The following MAGI2 variants were observed in gnomAD, a reference collection of about 807,000 sequenced individuals.
MAGI2 encodes membrane-associated guanylate kinase, WW and PDZ domain-containing protein 2.
In MAGI2, 35 loss-of-function variants were observed where a neutral mutation model predicts 133.3. The observed-to-expected ratio is 0.26, with a 90% CI of 0.20 to 0.35. The LOEUF is 0.35. Ranked by LOEUF, MAGI2 falls within the 10% of genes least tolerant of loss-of-function variation. MAGI2 has a pLI of 1.00. For missense variants in MAGI2, 1,636 were observed against 1,863.4 expected, an observed-to-expected ratio of 0.88 and a Z score of 2.25; for synonymous variants, 729 against 710.6, an observed-to-expected ratio of 1.03 and a Z score of -0.41.
intron 20 of MAGI2, among the ~76,000 whole-genome samples, chr7:78,094,676 C>T (rs542906305): frequency 1.3e-4 from 20 of 152,312 alleles, no homozygotes; most frequent in African/African-American, 4.6e-4. Context: ...TTTGATTGAA[C>T]TGTCTGTAGT....
intron 1 of MAGI2, among the ~76,000 whole-genome samples, chr7:79,374,125 A>T (rs1250971650): frequency 6.6e-6 from 1 of 152,024 alleles, no homozygotes; most frequent in Non-Finnish European, 1.5e-5. Context: ...TAGTTACATA[A>T]ATACATTGGG....
At chr7:78,794,116 A>G (rs1787399892) in intron 2 of MAGI2, among the ~76,000 whole-genome samples, 1 of 152,238 alleles carries the variant, frequency 6.6e-6, no homozygotes. Context: ...AGTGAGTTAC[A>G]CACTTATATC....
intron 2 of MAGI2, among the ~76,000 whole-genome samples, chr7:78,737,207 A>G (rs1336287150): frequency 6.6e-6 from 1 of 152,224 alleles, no homozygotes; most frequent in East Asian, 1.9e-4. Flanking sequence ...TTCCCAATAT[A>G]TAAAATCTTC....
chr7:78,635,620 A>G (rs1360518103), intron 2 of MAGI2, among the ~76,000 whole-genome samples: 1 of 152,246 alleles, frequency 6.6e-6, no homozygotes, highest in Non-Finnish European at 1.5e-5. Context: ...TTATTCATAT[A>G]TTCCCCCTTT....
At chr7:78,658,221 T>C (rs368634490) in intron 2 of MAGI2, among the ~76,000 whole-genome samples, 16 of 152,246 alleles carry the variant, frequency 1.1e-4, no homozygotes, top group African/African-American at 3.6e-4. Flanking sequence ...CACAATTAAA[T>C]GAAAGGAAGA....
At chr7:79,343,124 G>T (rs1563134952) in intron 1 of MAGI2, 1 of 151,994 alleles carries the variant, frequency 6.6e-6, no homozygotes, top group Non-Finnish European at 1.5e-5. Context: ...ACAAAAAGTT[G>T]CATATACTTA....
intron 2 of MAGI2, among the ~76,000 whole-genome samples, chr7:78,998,476 G>A (rs916870211): frequency 2.0e-5 from 3 of 152,068 alleles, no homozygotes; most frequent in African/African-American, 7.2e-5. Flanking sequence ...TGAGTTAGTG[G>A]CAGAACCTGT....
intron 21 of MAGI2, among the ~76,000 whole-genome samples, chr7:78,059,801 C>T (rs568052066): frequency 6.7e-6 from 1 of 149,776 alleles, no homozygotes; most frequent in Non-Finnish European, 1.5e-5. Context: ...GTCCCTACAG[C>T]ATCAAACAAT....
At chr7:78,573,227 A>AATATAAATATATAT (rs1563188160) in intron 3 of MAGI2, among the ~76,000 whole-genome samples, 11 of 58,930 alleles carry the variant, frequency 1.9e-4, no homozygotes, top group African/African-American at 8.6e-4. Context: ...AATATATATA[A>AATATAAATATATAT]ATATAAATAT....
At chr7:78,101,874 G>T (rs1818237025) in intron 20 of MAGI2, among the ~76,000 whole-genome samples, 1 of 152,142 alleles carries the variant, frequency 6.6e-6, no homozygotes. Flanking sequence ...ATATCGGAAG[G>T]AAATGAAATC....
At chr7:78,168,770 C>T (rs1825851246) in intron 14 of MAGI2, among the ~76,000 whole-genome samples, 1 of 152,194 alleles carries the variant, frequency 6.6e-6, no homozygotes, top group Admixed American at 6.5e-5. Context: ...GGGAAACTAG[C>T]TGTTGCACAT....
At chr7:79,427,434 C>G (rs1847465421) in intron 1 of MAGI2, among the ~76,000 whole-genome samples, 1 of 151,942 alleles carries the variant, frequency 6.6e-6, no homozygotes, top group East Asian at 1.9e-4. Context: ...AATGATTTTT[C>G]AAGGTGTCAT....
chr7:78,608,081 G>A (rs1051766488), intron 3 of MAGI2, among the ~76,000 whole-genome samples: 7 of 152,088 alleles, frequency 4.6e-5, no homozygotes, highest in African/African-American at 7.2e-5. Context: ...ATCATAGGCC[G>A]CTCAAGCCCA....
chr7:78,217,403 A>G (rs1057223498), intron 10 of MAGI2, among the ~76,000 whole-genome samples: 3 of 152,152 alleles, frequency 2.0e-5, no homozygotes, highest in Admixed American at 6.5e-5. Flanking sequence ...TAGGTGCTCA[A>G]TAAATACTTG....
chr7:78,587,496 G>A (rs981179912), intron 3 of MAGI2, among the ~76,000 whole-genome samples: 3 of 152,144 alleles, frequency 2.0e-5, no homozygotes, highest in Non-Finnish European at 4.4e-5. Context: ...TAGATTTCCA[G>A]TTAATAGTAT....
chr7:79,077,567 T>C (rs1447755998), intron 1 of MAGI2, among the ~76,000 whole-genome samples: 1 of 85,456 alleles, frequency 1.2e-5, no homozygotes, highest in Non-Finnish European at 2.0e-5. Context: ...AGAGCGAGAC[T>C]GCCTCTCAAA....
intron 2 of MAGI2, among the ~76,000 whole-genome samples, chr7:78,914,752 G>A (rs1409179467): frequency 6.6e-6 from 1 of 151,924 alleles, no homozygotes; most frequent in Non-Finnish European, 1.5e-5. Flanking sequence ...AAAACAACTG[G>A]ACAAATACTT....
rs142020401 is a variant in MAGI2 at position 78,403,127 on chromosome 7, T to C, written c.1046-33914A>G. ...TAACTCGTCATTTACATTAGGTATA[T>C]CTCCTAATGCTGTCCCTCCTCCCTC... is the stretch of plus-strand genomic sequence containing the variant. On this transcript the variant is annotated intron_variant, in intron 6 of 21. Transcript: ENST00000354212. Among the ~76,000 whole-genome samples the C allele has an allele frequency of 5.8e-4, 89 of 152,290 alleles. 1 individual carries two copies. The East Asian group carries it at 0.017, about 29-fold the overall frequency.
chr7:79,432,628 G>T (rs983457431), intron 1 of MAGI2, among the ~76,000 whole-genome samples: 16 of 152,310 alleles, frequency 1.1e-4, no homozygotes, highest in African/African-American at 3.4e-4. Flanking sequence ...TCTCTTGAAG[G>T]GATGCTGCCC....
Sources: gnomAD v4.1 joint callset for allele counts (sites outside exome capture counted in the v4.1 genomes callset) on GRCh38, gnomAD v4.1.1 for gene constraint, MANE v1.5 for transcripts, NCBI Gene and HGNC (gene_info 2026-07-23, HGNC 2026-07-21) for gene names.